BCAS3: variants seen among roughly 807,000 people sequenced by gnomAD.
BCAS3 encodes BCAS3 microtubule associated cell migration factor, also known as BCAS4/BCAS3 fusion.
A neutral mutation model predicts 116.1 loss-of-function variants in BCAS3; 53 were observed. The ratio of observed to expected loss-of-function variants is 0.46; its 90% CI spans 0.37 to 0.57. The LOEUF (loss-of-function observed/expected upper bound fraction) is 0.57, where lower values mean the gene tolerates loss of function less well. Among genes scored for constraint, BCAS3 ranks in the 20% least tolerant of loss-of-function variants. The pLI, the probability that BCAS3 is intolerant of heterozygous loss-of-function variation, is 0.00. For synonymous variants in BCAS3, 391 were observed against 408.2 expected, an observed-to-expected ratio of 0.96 and a Z score of 0.51; for missense variants, 917 against 1,165.4, an observed-to-expected ratio of 0.79 and a Z score of 3.10.
chr17:60,922,537 TTCTC>T (rs1406539043), intron 12 of BCAS3, among the ~76,000 whole-genome samples: 22 of 152,298 alleles, frequency 1.4e-4, no homozygotes, highest in African/African-American at 5.1e-4. Context: ...GTACGACTAT[TTCTC>T]TATTAAAAAA....
At chr17:61,296,827 C>G (rs111622039) in intron 22 of BCAS3, among the ~76,000 whole-genome samples, 1 of 152,172 alleles carries the variant, frequency 6.6e-6, no homozygotes, top group East Asian at 1.9e-4. Context: ...AAACAAGGAG[C>G]TGTGTTTAGT....
chr17:60,721,927 A>G (rs1353772435), intron 5 of BCAS3, among the ~76,000 whole-genome samples: 2 of 151,960 alleles, frequency 1.3e-5, no homozygotes, highest in African/African-American at 2.4e-5. Flanking sequence ...CTTTTTTTCT[A>G]TTCTTGAATG....
chr17:60,699,984 G>A (rs539133800), intron 4 of BCAS3, among the ~76,000 whole-genome samples: 1 of 152,078 alleles, frequency 6.6e-6, no homozygotes, highest in African/African-American at 2.4e-5. Context: ...ACCAGCCTGG[G>A]CAACAGAGTG....
At chr17:60,918,697 T>A (rs1436782821) in intron 12 of BCAS3, among the ~76,000 whole-genome samples, 1 of 150,322 alleles carries the variant, frequency 6.7e-6, no homozygotes, top group African/African-American at 2.5e-5. Context: ...CTCAATTTTT[T>A]TTTTTTTTTT....
chr17:61,005,006 C>A (rs1344695269), intron 15 of BCAS3, among the ~76,000 whole-genome samples: 1 of 152,120 alleles, frequency 6.6e-6, no homozygotes, highest in African/African-American at 2.4e-5. Context: ...AATACCATGA[C>A]AGTACTCATA....
At chr17:60,864,971 C>T (rs1162763243) in intron 7 of BCAS3, among the ~76,000 whole-genome samples, 1 of 152,028 alleles carries the variant, frequency 6.6e-6, no homozygotes, top group Non-Finnish European at 1.5e-5. Flanking sequence ...TTAAATTTAC[C>T]GTCTTCTATG....
chr17:61,115,313 A>T (rs1418337602), intron 22 of BCAS3, among the ~76,000 whole-genome samples: 1 of 152,222 alleles, frequency 6.6e-6, no homozygotes, highest in Non-Finnish European at 1.5e-5. Flanking sequence ...AACCTACAAA[A>T]TTGGAGAAAA....
chr17:60,810,252 C>A, intron 7 of BCAS3: 2 of 439,340 alleles, frequency 4.6e-6, no homozygotes, highest in South Asian at 3.8e-5. Flanking sequence ...CCCAGCCAGT[C>A]AGCAGTGTGG....
intron 22 of BCAS3, among the ~76,000 whole-genome samples, chr17:61,301,412 T>C (rs1372906469): frequency 2.0e-5 from 3 of 152,122 alleles, no homozygotes; most frequent in Non-Finnish European, 4.4e-5. Flanking sequence ...GGCGGGTGGA[T>C]CACGAGGTCA....
rs1295335040 is a variant in BCAS3, at chr17:61,226,853, C to A, written c.2426-141474C>A. On this transcript the variant is annotated intron_variant, in intron 22 of 23. Transcript: ENST00000407086. The surrounding 1 kb of genome is among the most constrained non-coding windows in gnomAD (Gnocchi z 6.0). The stretch of plus-strand genomic sequence containing the variant: ...TTAGGGAACTGAGCTTCAGAGAGAA[C>A]CACATTTGTTCTGACTGCTGTCAGT... Among the ~76,000 whole-genome samples the A allele has an allele frequency of 6.6e-6, 1 of 152,142 alleles. No homozygotes were observed. The highest frequency in any genetic ancestry group is 2.4e-5 in the African/African-American group (1 of 41,420).
rs2065983733 is a variant in BCAS3 at position 61,023,035 on chromosome 17, A to G, written c.1637+7134A>G. Among the ~76,000 whole-genome samples, 1 of 152,232 alleles carries G rather than the reference A, an allele frequency of 6.6e-6. No homozygotes were observed. Among genetic ancestry groups the G allele is most frequent in the South Asian group, 2.1e-4 (1 of 4,834 alleles). On this transcript the variant is annotated intron_variant, in intron 16 of 23. Coordinates refer to ENST00000407086, the MANE Select transcript of BCAS3 (RefSeq NM_017679.5). The surrounding 1 kb of genome is among the most constrained non-coding windows in gnomAD (Gnocchi z 4.8). ...CTGTTTTAGCTTCAGTTTCCCCTACAGATCAATAGTTTACTACCAGTAATA... is the reference window on the plus strand; with the variant it reads ...CTGTTTTAGCTTCAGTTTCCCCTACGGATCAATAGTTTACTACCAGTAATA...
rs1601089750 is a variant in BCAS3 at position 61,083,242 on chromosome 17, C to T, written c.2328-1225C>T. Among the ~76,000 whole-genome samples, 1 of 152,294 alleles carries T rather than the reference C, an allele frequency of 6.6e-6. No individual in the cohort carries two copies. On this transcript the variant is annotated intron_variant, in intron 21 of 23. Transcript: ENST00000407086. This position sits in a 1 kb window ranked among gnomAD's most constrained non-coding sequence, Gnocchi z 4.9. ...GGACCCTGCATGTATTCCCCCATCT[C>T]CTCAATCTGAGCTTTTACTATTTAT...
At chr17:60,852,446 A>C (rs1384394865) in intron 7 of BCAS3, among the ~76,000 whole-genome samples, 1 of 152,200 alleles carries the variant, frequency 6.6e-6, no homozygotes, top group African/African-American at 2.4e-5. Flanking sequence ...CAGCTTATCA[A>C]ATTGTGAAGA....
intron 14 of BCAS3, among the ~76,000 whole-genome samples, chr17:60,953,198 T>C (rs1022425313): frequency 6.6e-6 from 1 of 152,144 alleles, no homozygotes; most frequent in African/African-American, 2.4e-5. Flanking sequence ...GCCACACGGC[T>C]TTCCCCAGTG....
chr17:60,920,236 C>T (rs1375618227), intron 12 of BCAS3, among the ~76,000 whole-genome samples: 1 of 152,128 alleles, frequency 6.6e-6, no homozygotes, highest in Non-Finnish European at 1.5e-5. Context: ...CAACCAAAAA[C>T]AAATATTGAC....
At chr17:60,913,624 G>C (rs2058632669) in intron 12 of BCAS3, among the ~76,000 whole-genome samples, 2 of 152,048 alleles carry the variant, frequency 1.3e-5, no homozygotes, top group Admixed American at 1.3e-4. Flanking sequence ...AGCCTAAACT[G>C]TAATGTTTTT....
At chr17:60,682,951 T>G (rs1032003024) in intron 2 of BCAS3, among the ~76,000 whole-genome samples, 2 of 152,208 alleles carry the variant, frequency 1.3e-5, no homozygotes, top group African/African-American at 4.8e-5. Context: ...CTTTTTTTGT[T>G]TGTTTTTTAG....
At chr17:60,928,958 G>A (rs951549575) in intron 13 of BCAS3, among the ~76,000 whole-genome samples, 2 of 152,178 alleles carry the variant, frequency 1.3e-5, no homozygotes, top group African/African-American at 4.8e-5. Context: ...ATTGCTATTT[G>A]TAAATGCATA....
intron 2 of BCAS3, among the ~76,000 whole-genome samples, chr17:60,682,196 A>C (rs1380652534): frequency 6.6e-6 from 1 of 152,190 alleles, no homozygotes; most frequent in Non-Finnish European, 1.5e-5. Context: ...CTCTCAAAGG[A>C]GGCAGCACTT....
Sources: gnomAD v4.1 joint callset for allele counts (sites outside exome capture counted in the v4.1 genomes callset) on GRCh38, gnomAD v4.1.1 for gene constraint, Gnocchi (gnomAD v3.1) non-coding constraint, MANE v1.5 for transcripts, NCBI Gene and HGNC (gene_info 2026-07-23, HGNC 2026-07-21) for gene names.